DOK6: variants seen among roughly 807,000 people sequenced by gnomAD.
DOK6 encodes the protein downstream of tyrosine kinase 6.
In DOK6, 22 loss-of-function variants were observed where a neutral mutation model predicts 44.0. The observed-to-expected ratio is 0.50, with a 90% CI of 0.36 to 0.71. The LOEUF (loss-of-function observed/expected upper bound fraction) is 0.71, where lower values mean the gene tolerates loss of function less well. Among genes scored for constraint, DOK6 ranks in the 30% least tolerant of loss-of-function variants. The pLI is 0.00. For synonymous variants in DOK6, 166 were observed against 145.5 expected, an observed-to-expected ratio of 1.14 and a Z score of -1.01; for missense variants, 340 against 416.4, an observed-to-expected ratio of 0.82 and a Z score of 1.60.
chr18:69,419,076 G>GAAC (rs1978414523), intron 1 of DOK6, among the ~76,000 whole-genome samples: 4 of 152,054 alleles, frequency 2.6e-5, no homozygotes, highest in Non-Finnish European at 4.4e-5. Context: ...GACCCAAGTG[G>GAAC]TTTGAACACT....
chr18:69,605,295 T>TC (rs534315842), intron 3 of DOK6, among the ~76,000 whole-genome samples: 18 of 152,160 alleles, frequency 1.2e-4, no homozygotes, highest in African/African-American at 4.1e-4. Context: ...ATCCAAAATG[T>TC]CCTCCCTGCA....
intron 3 of DOK6, among the ~76,000 whole-genome samples, chr18:69,605,580 A>G (rs1409926425): frequency 1.3e-5 from 2 of 152,228 alleles, no homozygotes; most frequent in African/African-American, 4.8e-5. Context: ...TGTAACAACA[A>G]TAAAAGGTAG....
intron 1 of DOK6, among the ~76,000 whole-genome samples, chr18:69,552,827 G>A (rs2119955): frequency 0.31 from 47,058 of 152,154 alleles, 7,655 homozygotes; most frequent in East Asian, 0.56. Context: ...TTTGCCGAAT[G>A]AATGAATTAT....
At chr18:69,481,764 C>T (rs961410588) in intron 1 of DOK6, among the ~76,000 whole-genome samples, 2 of 152,118 alleles carry the variant, frequency 1.3e-5, no homozygotes, top group South Asian at 2.1e-4. Flanking sequence ...GGTCAAATGG[C>T]ATTTCTAGCT....
chr18:69,603,319 T>C (rs1325548192), intron 3 of DOK6, among the ~76,000 whole-genome samples: 4 of 152,176 alleles, frequency 2.6e-5, no homozygotes, highest in Admixed American at 2.0e-4. Context: ...AAACCTACCC[T>C]TGTAGCCCCT....
At chr18:69,412,677 T>A (rs537198990) in intron 1 of DOK6, among the ~76,000 whole-genome samples, 1 of 152,256 alleles carries the variant, frequency 6.6e-6, no homozygotes, top group South Asian at 2.1e-4. Context: ...ATAAAATAAA[T>A]GTCTATATCG....
intron 3 of DOK6, among the ~76,000 whole-genome samples, chr18:69,645,686 A>T (rs937536161): frequency 1.3e-5 from 2 of 152,030 alleles, no homozygotes; most frequent in Non-Finnish European, 2.9e-5. Flanking sequence ...TATCCCAGGA[A>T]AAAAAAATGA....
chr18:69,440,661 G>A (rs950966923), intron 1 of DOK6, among the ~76,000 whole-genome samples: 3 of 151,932 alleles, frequency 2.0e-5, no homozygotes, highest in African/African-American at 7.3e-5. Context: ...AGCATTTATT[G>A]TGTCTGTGAA....
chr18:69,752,608 A>G (rs1211003423), intron 6 of DOK6, among the ~76,000 whole-genome samples: 2 of 152,212 alleles, frequency 1.3e-5, no homozygotes, highest in Non-Finnish European at 2.9e-5. Flanking sequence ...ACTTTAATAC[A>G]GTAATTTAGA....
intron 1 of DOK6, among the ~76,000 whole-genome samples, chr18:69,525,931 A>G (rs1981818740): frequency 6.6e-6 from 1 of 152,088 alleles, no homozygotes; most frequent in Admixed American, 6.6e-5. Context: ...GGCTCATGAA[A>G]CACACACAGT....
At chr18:69,725,983 C>G (rs1289545801) in intron 5 of DOK6, among the ~76,000 whole-genome samples, 1 of 152,158 alleles carries the variant, frequency 6.6e-6, no homozygotes. Context: ...CTGGTGGTTA[C>G]TCCTGTGTCT....
Position 69,845,926 on chromosome 18 carries a change from C to T in DOK6, c.*4543C>T, listed in dbSNP as rs1982335784. 3 of 152,186 alleles carry T rather than the reference C, an allele frequency of 2.0e-5. No individual in the cohort carries two copies. The highest frequency in any genetic ancestry group is 1.3e-4 in the Admixed American group (2 of 15,282). The allele number at this position is 152,186 out of a possible 1,614,324, so 9.4% of individuals were successfully genotyped here. On this transcript the variant is annotated 3_prime_UTR_variant, in exon 8 of 8. Transcript: ENST00000382713. Reference sequence around the variant, plus strand: ...ATGAGAATCACTTTTATATAGCCAACCTCATTTGAATTTTATCATGAACAT... The same window carrying T: ...ATGAGAATCACTTTTATATAGCCAATCTCATTTGAATTTTATCATGAACAT...
intron 3 of DOK6, among the ~76,000 whole-genome samples, chr18:69,617,397 A>G (rs539929734): frequency 1.5e-4 from 23 of 151,498 alleles, no homozygotes; most frequent in Non-Finnish European, 2.9e-4. Flanking sequence ...GAGAGAGAGA[A>G]AAGACTGAGC....
intron 2 of DOK6, among the ~76,000 whole-genome samples, chr18:69,584,359 C>A (rs912446428): frequency 6.6e-6 from 1 of 151,998 alleles, no homozygotes; most frequent in Non-Finnish European, 1.5e-5. Context: ...CAACCTCCAC[C>A]CACTGCAACC....
chr18:69,591,795 C>T (rs1253801125), intron 2 of DOK6, among the ~76,000 whole-genome samples: 1 of 152,032 alleles, frequency 6.6e-6, no homozygotes, highest in African/African-American at 2.4e-5. Flanking sequence ...ATCAGACTCC[C>T]TGTTGCAATA....
chr18:69,675,159 C>T lies in DOK6; in HGVS notation c.290-2575C>T, dbSNP rs902728755. On this transcript the variant is annotated intron_variant, in intron 3 of 7. Coordinates refer to ENST00000382713, the MANE Select transcript of DOK6 (RefSeq NM_152721.6). ...GATGGGAGACTTCTTTGTTCCAGCA[C>T]TTACAGAAATTCTGCATTTAGTTCT... Among the ~76,000 whole-genome samples the T allele has an allele frequency of 2.6e-5, 4 of 152,156 alleles. No individual in the cohort carries two copies. The East Asian group carries it at 7.7e-4, about 29-fold the overall frequency.
At chr18:69,567,463 T>A (rs1016787098) in intron 2 of DOK6, among the ~76,000 whole-genome samples, 2 of 151,854 alleles carry the variant, frequency 1.3e-5, no homozygotes, top group African/African-American at 2.4e-5. Flanking sequence ...GAAAAATTTT[T>A]AAAAACCATT....
Position 69,746,014 on chromosome 18 carries a change from C to T in DOK6, c.738+6911C>T, listed in dbSNP as rs80059045. On this transcript the variant is annotated intron_variant, in intron 6 of 7. Transcript: ENST00000382713. ...GATTTTAAATCACTAAGAAATTTAA[C>T]GTTTTATGTGTATTTATCATGTTCC... Among the ~76,000 whole-genome samples, 1,461 of 152,130 alleles carry T rather than the reference C, an allele frequency of 9.6e-3. 65 individuals carry two copies. The highest frequency in any genetic ancestry group is 0.085 in the East Asian group (442 of 5,170).
intron 2 of DOK6, among the ~76,000 whole-genome samples, chr18:69,573,052 G>A (rs1256771214): frequency 1.3e-5 from 2 of 151,458 alleles, no homozygotes; most frequent in Admixed American, 1.3e-4. Context: ...TAGTAAGCAG[G>A]AAATGTGATG....
Sources: gnomAD v4.1 joint callset for allele counts (sites outside exome capture counted in the v4.1 genomes callset) on GRCh38, gnomAD v4.1.1 for gene constraint, MANE v1.5 for transcripts, NCBI Gene and HGNC (gene_info 2026-07-23, HGNC 2026-07-21) for gene names.